DRGX: variants seen among roughly 807,000 people sequenced by gnomAD.
The protein encoded by DRGX is dorsal root ganglia homeobox.
Under a neutral mutation model 28.6 loss-of-function variants are expected in DRGX, and 21 were observed. That is an observed-to-expected ratio of 0.73 (90% CI 0.52 to 1.06). The LOEUF is 1.06. Among genes scored for constraint, DRGX ranks in the 50% least tolerant of loss-of-function variants. The pLI, the probability that DRGX is intolerant of heterozygous loss-of-function variation, is 0.00. For missense variants in DRGX, 354 were observed against 343.9 expected, an observed-to-expected ratio of 1.03 and a Z score of -0.23; for synonymous variants, 136 against 139.1, an observed-to-expected ratio of 0.98 and a Z score of 0.16.
chr10:49,391,444 A>C (rs571720978), intron 2 of DRGX, among the ~76,000 whole-genome samples, 183 bp from the exon 3 acceptor site: 2 of 152,256 alleles, frequency 1.3e-5, no homozygotes, highest in South Asian at 4.2e-4. Flanking sequence ...AAAACCTCTG[A>C]CTTTAAATCC....
At chr10:49,369,683 T>G (rs1379417316) in intron 6 of DRGX, among the ~76,000 whole-genome samples, 1 of 152,128 alleles carries the variant, frequency 6.6e-6, no homozygotes, top group Non-Finnish European at 1.5e-5. Flanking sequence ...AGCAGGAAGG[T>G]GCTTAATACG....
intron 2 of DRGX, 77 bp downstream of exon 2, chr10:49,395,330 A>G: frequency 1.3e-6 from 2 of 1,531,138 alleles, no homozygotes; most frequent in Non-Finnish European, 1.8e-6. Flanking sequence ...CCAGCCACCC[A>G]CCAGCCCTGC....
At chr10:49,393,096 A>G (rs953977321) in intron 2 of DRGX, among the ~76,000 whole-genome samples, 7 of 152,212 alleles carry the variant, frequency 4.6e-5, no homozygotes, top group African/African-American at 1.7e-4. Context: ...AATAGAAAAA[A>G]AAAGTGCTTC....
At chr10:49,392,382 C>A (rs1307204453) in intron 2 of DRGX, among the ~76,000 whole-genome samples, 1 of 152,222 alleles carries the variant, frequency 6.6e-6, no homozygotes, top group African/African-American at 2.4e-5. Context: ...TTGCCAAACA[C>A]CCTGACTCTC....
At chr10:49,391,429 T>TCC in intron 2 of DRGX, 168 bp from the exon 3 acceptor site, 1 of 630,946 alleles carries the variant, frequency 1.6e-6, no homozygotes, top group East Asian at 2.8e-5. Context: ...TTCCACTCTG[T>TCC]CCCCAAAACC....
At chr10:49,379,420 T>C (rs1849750318) in intron 6 of DRGX, among the ~76,000 whole-genome samples, 2 of 152,246 alleles carry the variant, frequency 1.3e-5, no homozygotes, top group Non-Finnish European at 2.9e-5. Flanking sequence ...TAAAAATTGT[T>C]TTTTAAATTT....
intron 6 of DRGX, among the ~76,000 whole-genome samples, chr10:49,380,765 G>C (rs1344672815): frequency 1.3e-5 from 2 of 152,222 alleles, no homozygotes; most frequent in Admixed American, 1.3e-4. Context: ...AGAGAAATGG[G>C]AGAGGTTTTG....
In DRGX at chr10:49,390,236, T is replaced by C. The variant is rs1849886271; in HGVS notation, c.133-2A>G. ...AAAAACGGCCTCGAGAGCTTCCAGC[T>C]GGTAAAAGGAAAAAATATGTACTGG... On this transcript the variant is annotated splice_acceptor_variant, in intron 3 of 6. Transcript: ENST00000374139. LOFTEE classifies it high-confidence loss of function. 6.2e-7 allele frequency: 1 copy of C among 1,606,276 alleles called. No individual in the cohort carries two copies.
intron 6 of DRGX, among the ~76,000 whole-genome samples, chr10:49,381,051 T>A (rs1849770128): frequency 6.6e-6 from 1 of 152,234 alleles, no homozygotes; most frequent in Non-Finnish European, 1.5e-5. Context: ...TTACTCAAGA[T>A]GTGCATGGCT....
In DRGX at chr10:49,366,032, G is replaced by A; in HGVS notation, c.*84C>T. 6.9e-7 allele frequency: 1 copy of A among 1,450,660 alleles called. No individual in the cohort carries two copies. 89.9% of individuals were successfully genotyped at this position (1,450,660 alleles called of 1,614,324 possible). A position where few individuals can be genotyped will look rare whatever the true frequency, so the allele number is the denominator to read the frequency against. ...GCCCTGGGGCCGCAGGCTTCTCCTTGCTATTTGGAGAGTTTTCTGTAGGGG... is the reference window on the plus strand; with the variant it reads ...GCCCTGGGGCCGCAGGCTTCTCCTTACTATTTGGAGAGTTTTCTGTAGGGG... On this transcript the variant is annotated 3_prime_UTR_variant, in exon 7 of 7. Transcript: ENST00000374139.
chr10:49,383,665 G>A (rs1849801316), intron 6 of DRGX, among the ~76,000 whole-genome samples: 1 of 152,240 alleles, frequency 6.6e-6, no homozygotes, highest in Non-Finnish European at 1.5e-5. Context: ...GCCTTTGGTA[G>A]GACATCGGCC....
chr10:49,386,044 C>G (rs558251524), intron 6 of DRGX, among the ~76,000 whole-genome samples: 1 of 152,006 alleles, frequency 6.6e-6, no homozygotes, highest in South Asian at 2.1e-4. Flanking sequence ...CAAATCCTAA[C>G]GGCTCAGACC....
intron 6 of DRGX, among the ~76,000 whole-genome samples, chr10:49,383,082 G>T (rs1045228625): frequency 1.3e-5 from 2 of 152,186 alleles, no homozygotes; most frequent in African/African-American, 2.4e-5. Flanking sequence ...CAGCCCCAGG[G>T]ACTGGCAGCT....
At chr10:49,373,976 T>C (rs1481875914) in intron 6 of DRGX, among the ~76,000 whole-genome samples, 1 of 152,206 alleles carries the variant, frequency 6.6e-6, no homozygotes, top group Non-Finnish European at 1.5e-5. Flanking sequence ...ATTAAACATA[T>C]GTTTATTAGG....
intron 6 of DRGX, among the ~76,000 whole-genome samples, chr10:49,371,220 A>T (rs931740162): frequency 7.9e-5 from 12 of 152,180 alleles, no homozygotes; most frequent in African/African-American, 2.2e-4. Flanking sequence ...AAACAACTTC[A>T]TGGACCCTGA....
chr10:49,366,277 T>C lies in DRGX; in HGVS notation c.631A>G (p.Met211Val), dbSNP rs745374751. The C allele has an allele frequency of 2.2e-5, 36 of 1,613,926 alleles. No homozygotes were observed. The highest frequency in any genetic ancestry group is 2.8e-5 in the Non-Finnish European group (33 of 1,179,858). Residue 211 changes from methionine (M) to valine (V), a missense_variant, in exon 7 of 7, where the codon ATG (methionine) becomes GTG (valine). Transcript: ENST00000374139. The part of the protein sequence containing the change: ...NRTASVATLR[M>V]KAREHSEAVL... ...GCTTCTGAGTGCTCGCGGGCCTTCA[T>C]GCGCAGGGTGGCCACGCTGGCCGTG... is the stretch of plus-strand genomic sequence containing the variant.
At chr10:49,371,368 A>G (rs192949280) in intron 6 of DRGX, among the ~76,000 whole-genome samples, 8 of 152,206 alleles carry the variant, frequency 5.3e-5, no homozygotes, top group Non-Finnish European at 1.2e-4. Flanking sequence ...GTGCTCAAGT[A>G]GAGGCCAGGC....
intron 6 of DRGX, among the ~76,000 whole-genome samples, chr10:49,372,491 T>C (rs773376862): frequency 2.6e-5 from 4 of 152,228 alleles, no homozygotes; most frequent in Non-Finnish European, 5.9e-5. Flanking sequence ...TTAACACACC[T>C]ACTTTGGGGA....
chr10:49,367,232 A>G (rs1374208630), intron 6 of DRGX, among the ~76,000 whole-genome samples: 1 of 152,104 alleles, frequency 6.6e-6, no homozygotes, highest in East Asian at 1.9e-4. Flanking sequence ...GCATCATGGT[A>G]TGTGCCGATA....
Sources: gnomAD v4.1 joint callset for allele counts (sites outside exome capture counted in the v4.1 genomes callset) on GRCh38, gnomAD v4.1.1 for gene constraint, MANE v1.5 for transcripts, NCBI Gene and HGNC (gene_info 2026-07-23, HGNC 2026-07-21) for gene names.